The following HNRNPD variants were observed in gnomAD, a reference collection of about 807,000 sequenced individuals.
HNRNPD encodes the protein heterogeneous nuclear ribonucleoprotein D0.
Under a neutral mutation model 47.9 loss-of-function variants are expected in HNRNPD, and 3 were observed. The ratio of observed to expected loss-of-function variants is 0.06; its 90% confidence interval spans 0.03 to 0.16. HNRNPD has a LOEUF of 0.16. Among genes scored for constraint, HNRNPD ranks in the 10% least tolerant of loss-of-function variants. The probability of loss-of-function intolerance (pLI) is 1.00; values close to 1 mark genes in which losing one functional copy is unlikely to be tolerated. For missense variants in HNRNPD, 287 were observed against 454.2 expected, an observed-to-expected ratio of 0.63 and a Z score of 3.35; for synonymous variants, 171 against 165.1, an observed-to-expected ratio of 1.04 and a Z score of -0.28.
intron 2 of HNRNPD, among the ~76,000 whole-genome samples, chr4:82,365,912 C>CT (rs898977259): frequency 6.0e-5 from 9 of 151,214 alleles, no homozygotes; most frequent in South Asian, 2.1e-4. Context: ...ACCCAGCCCA[C>CT]TTTTTTTAAC....
intron 2 of HNRNPD, among the ~76,000 whole-genome samples, chr4:82,368,802 AAGGT>A (rs1201921057): frequency 3.3e-5 from 5 of 152,250 alleles, no homozygotes; most frequent in Non-Finnish European, 7.3e-5. Context: ...CAGAAGCACT[AAGGT>A]ATAAGACCAT....
intron 7 of HNRNPD, 125 bp downstream of exon 7, chr4:82,356,412 A>G: frequency 1.4e-6 from 1 of 719,216 alleles, no homozygotes; most frequent in Non-Finnish European, 2.3e-6. Flanking sequence ...TGCAGTTTCA[A>G]GTTTCCAGGA....
intron 1 of HNRNPD, chr4:82,373,215 A>G: frequency 2.8e-6 from 2 of 715,080 alleles, no homozygotes; most frequent in Non-Finnish European, 5.0e-6. Context: ...CAGCATGGTG[A>G]CGGCTAAAGG....
At chr4:82,373,209 AT>A in intron 1 of HNRNPD, 1 of 705,028 alleles carries the variant, frequency 1.4e-6, no homozygotes, top group Non-Finnish European at 2.5e-6. Context: ...GAGGAGCAGC[AT>A]GGTGACGGCT....
At chr4:82,370,287 G>A (rs1278646653) in intron 2 of HNRNPD, among the ~76,000 whole-genome samples, 2 of 152,112 alleles carry the variant, frequency 1.3e-5, no homozygotes, top group Non-Finnish European at 2.9e-5. Flanking sequence ...ATCGTTTTAG[G>A]TAGCAGGTCA....
At chr4:82,355,707 C>CA in intron 7 of HNRNPD, 1 of 360,374 alleles carries the variant, frequency 2.8e-6, no homozygotes. Flanking sequence ...CAACCACCAG[C>CA]AAAAAATATC....
Position 82,373,738 on chromosome 4 carries a change from C to G in HNRNPD, c.-60G>C, listed in dbSNP as rs902211632. ...CACCCGCCGCTGCCGCGAACCGAAA[C>G]TAGCAGCAAAGTAATCCCCGCCGCT... On this transcript the variant is annotated 5_prime_UTR_variant, in exon 1 of 9. Coordinates refer to ENST00000313899, the MANE Select transcript of HNRNPD (RefSeq NM_031370.3). 1.3e-6 allele frequency: 2 copies of G among 1,528,314 alleles called. No homozygotes were observed. Among genetic ancestry groups the G allele is most frequent in the Non-Finnish European group, 1.7e-6 (2 of 1,144,370 alleles). The allele number at this position is 1,528,314 out of a possible 1,614,324, so 94.7% of individuals were successfully genotyped here. A position where few individuals can be genotyped will look rare whatever the true frequency, so the allele number is the denominator to read the frequency against.
chr4:82,372,639 A>G (rs1173958307), intron 1 of HNRNPD, among the ~76,000 whole-genome samples: 3 of 152,244 alleles, frequency 2.0e-5, no homozygotes, highest in African/African-American at 7.2e-5. Flanking sequence ...GGTTAGAATA[A>G]CTCAGTGGGG....
chr4:82,372,835 T>G (rs1239833846), intron 1 of HNRNPD, among the ~76,000 whole-genome samples: 1 of 152,222 alleles, frequency 6.6e-6, no homozygotes, highest in East Asian at 1.9e-4. Context: ...TATGCCATTG[T>G]GCGATAGCGT....
In HNRNPD at chr4:82,373,633, TTGCCGC is replaced by T. The variant is rs1344638826; in HGVS notation, c.40_45del (p.Ala14_Ala15del). 144 of 1,526,176 alleles carry T rather than the reference TTGCCGC, an allele frequency of 9.4e-5. No homozygotes were observed. The East Asian group carries it at 1.0e-3, about 11-fold the overall frequency. The allele number at this position is 1,526,176 out of a possible 1,614,324, so 94.5% of individuals were successfully genotyped here. A position where few individuals can be genotyped will look rare whatever the true frequency, so the allele number is the denominator to read the frequency against. On this transcript the variant is annotated inframe_deletion, in exon 1 of 9. Coordinates refer to ENST00000313899, the MANE Select transcript of HNRNPD (RefSeq NM_031370.3). Reference sequence around the variant, plus strand: ...CCCGCCGAGCCGCCTACCGCCGCCGTTGCCGCTGCCGCCGCCCCGTCCCCGCCGAAC... The same window carrying T: ...CCCGCCGAGCCGCCTACCGCCGCCGTTGCCGCCGCCCCGTCCCCGCCGAAC...
At chr4:82,373,257 T>C (rs1720174370) in intron 1 of HNRNPD, 189 bp downstream of exon 1, 3 of 794,706 alleles carry the variant, frequency 3.8e-6, no homozygotes, top group Non-Finnish European at 6.2e-6. Context: ...AGGGGGGCGA[T>C]AAGCAGGCAA....
At chr4:82,357,501 A>G in intron 4 of HNRNPD, 57 bp from the exon 5 acceptor site, 3 of 1,479,570 alleles carry the variant, frequency 2.0e-6, no homozygotes, top group Non-Finnish European at 1.8e-6. Context: ...ACCTTAAAAG[A>G]AACACAAGTT....
At chr4:82,366,539 C>G (rs1206879119) in intron 2 of HNRNPD, among the ~76,000 whole-genome samples, 2 of 151,540 alleles carry the variant, frequency 1.3e-5, no homozygotes, top group Non-Finnish European at 2.9e-5. Context: ...CCACCGCGCC[C>G]GGCCAACATG....
intron 2 of HNRNPD, among the ~76,000 whole-genome samples, chr4:82,369,140 G>C (rs557138628): frequency 6.6e-6 from 1 of 152,310 alleles, no homozygotes; most frequent in African/African-American, 2.4e-5. Context: ...TGCCCTCAGA[G>C]AGCTTGCTAC....
At chr4:82,357,243 G>C in intron 5 of HNRNPD, 70 bp downstream of exon 5, 1 of 1,484,332 alleles carries the variant, frequency 6.7e-7, no homozygotes. Flanking sequence ...AGCCTTTACA[G>C]AGAAAGATAA....
Position 82,356,823 on chromosome 4 carries a change from C to A in HNRNPD, c.826G>T (p.Ala276Ser). 6.2e-7 allele frequency: 1 copy of A among 1,614,134 alleles called. No homozygotes were observed. Among genetic ancestry groups the A allele is most frequent in the Non-Finnish European group, 8.5e-7 (1 of 1,179,980 alleles). ...CCACCTCTTCCACGAGCTCTTCCTG[C>A]AAATCCTCCTCTAGATCCCCACTGT... is the stretch of plus-strand genomic sequence containing the variant. ...QQQWGSRGGF[A>S]GRARGRGGGP... Residue 276 changes from alanine (A) to serine (S), a missense_variant, in exon 6 of 9, where the codon GCA becomes TCA. By Grantham distance (99) the Ala-to-Ser change is moderately conservative (BLOSUM62 1). Transcript: ENST00000313899.
chr4:82,356,345 C>T, intron 7 of HNRNPD, 192 bp downstream of exon 7: 1 of 553,640 alleles, frequency 1.8e-6, no homozygotes, highest in Non-Finnish European at 3.2e-6. Flanking sequence ...ACACATACAC[C>T]CTACCCTTAT....
chr4:82,373,239 GA>G, intron 1 of HNRNPD: 1 of 750,648 alleles, frequency 1.3e-6, no homozygotes, highest in Non-Finnish European at 2.3e-6. Context: ...AAACGTGTGT[GA>G]TGGGGGAGGG....
intron 1 of HNRNPD, among the ~76,000 whole-genome samples, chr4:82,372,699 T>G (rs1409248524): frequency 6.6e-6 from 1 of 152,170 alleles, no homozygotes; most frequent in African/African-American, 2.4e-5. Context: ...TCCAGTCAAG[T>G]GCAGGCCCGA....
Sources: gnomAD v4.1 joint callset for allele counts (sites outside exome capture counted in the v4.1 genomes callset) on GRCh38, gnomAD v4.1.1 for gene constraint, MANE v1.5 for transcripts, NCBI Gene and HGNC (gene_info 2026-07-23, HGNC 2026-07-21) for gene names.